DYNC1I1: variants seen among roughly 807,000 people sequenced by gnomAD.
DYNC1I1 encodes dynein cytoplasmic 1 intermediate chain 1.
A neutral mutation model predicts 86.6 loss-of-function variants in DYNC1I1; 43 were observed. That is an observed-to-expected ratio of 0.50 (90% CI 0.39 to 0.64). The LOEUF is 0.64. Among genes scored for constraint, DYNC1I1 ranks in the 30% least tolerant of loss-of-function variants. The probability of loss-of-function intolerance (pLI) is 0.00; values close to 1 mark genes in which losing one functional copy is unlikely to be tolerated. For missense variants in DYNC1I1, 604 were observed against 788.8 expected (o/e 0.77, Z 2.81); for synonymous variants, 262 against 283.7 (o/e 0.92, Z 0.77).
intron 6 of DYNC1I1, among the ~76,000 whole-genome samples, chr7:95,905,017 A>G (rs1353202450): frequency 2.6e-5 from 4 of 152,228 alleles, no homozygotes; most frequent in Non-Finnish European, 5.9e-5. Flanking sequence ...TTCAGCCTGC[A>G]TTTCCAGGTT....
intron 16 of DYNC1I1, among the ~76,000 whole-genome samples, chr7:96,083,940 G>A (rs1249129376): frequency 6.6e-6 from 1 of 152,146 alleles, no homozygotes; most frequent in African/African-American, 2.4e-5. Context: ...AAAAGTAGAT[G>A]GTAGGTTTTT....
At chr7:95,948,649 G>C (rs559468875) in intron 6 of DYNC1I1, among the ~76,000 whole-genome samples, 20 of 152,268 alleles carry the variant, frequency 1.3e-4, no homozygotes, top group African/African-American at 3.9e-4. Context: ...CATTTATTGA[G>C]TACTTAGTCT....
At chr7:95,982,816 G>A (rs1793489521) in intron 7 of DYNC1I1, among the ~76,000 whole-genome samples, 1 of 152,066 alleles carries the variant, frequency 6.6e-6, no homozygotes, top group South Asian at 2.1e-4. Context: ...GGACTTAGTA[G>A]GGTTTGTTCC....
chr7:95,962,976 C>T lies in DYNC1I1; in HGVS notation c.491-14536C>T, dbSNP rs114625949. Among the ~76,000 whole-genome samples, 1,015 of 152,256 alleles carry T rather than the reference C, an allele frequency of 6.7e-3. 14 individuals carry two copies. The highest frequency in any genetic ancestry group is 0.023 in the African/African-American group (940 of 41,566). On this transcript the variant is annotated intron_variant, in intron 6 of 16. Coordinates refer to ENST00000447467, the MANE Select transcript of DYNC1I1 (RefSeq NM_001135556.2). ...GATCAAATAGCAAATGTGAATGACTCTATTTAACTTGGTATTTATCTTGGC... is the reference window on the plus strand; with the variant it reads ...GATCAAATAGCAAATGTGAATGACTTTATTTAACTTGGTATTTATCTTGGC...
chr7:95,870,752 T>A (rs192151639), intron 6 of DYNC1I1, among the ~76,000 whole-genome samples: 1 of 152,176 alleles, frequency 6.6e-6, no homozygotes, highest in South Asian at 2.1e-4. Context: ...AATACACTCA[T>A]GAGAGAAGTC....
chr7:96,052,793 G>A (rs1338598440), intron 14 of DYNC1I1, among the ~76,000 whole-genome samples: 1 of 152,184 alleles, frequency 6.6e-6, no homozygotes, highest in Admixed American at 6.5e-5. Context: ...GCAGCCTTGT[G>A]ATGCCATGCG....
intron 10 of DYNC1I1, among the ~76,000 whole-genome samples, chr7:96,025,019 T>C (rs1423497657): frequency 6.6e-6 from 1 of 152,114 alleles, no homozygotes; most frequent in Non-Finnish European, 1.5e-5. Context: ...AAACTGTAGT[T>C]AAGACTATAA....
chr7:95,862,172 C>G (rs1016518080), intron 5 of DYNC1I1, among the ~76,000 whole-genome samples: 8 of 151,800 alleles, frequency 5.3e-5, no homozygotes, highest in Non-Finnish European at 8.8e-5. Context: ...ACCAAAAGCA[C>G]AAGCAACCAA....
At chr7:95,825,184 C>T (rs1463766310) in intron 4 of DYNC1I1, among the ~76,000 whole-genome samples, 1 of 152,092 alleles carries the variant, frequency 6.6e-6, no homozygotes, top group Non-Finnish European at 1.5e-5. Flanking sequence ...ATGCAAACTC[C>T]CCAGTACTAA....
At chr7:95,911,425 G>A (rs941283599) in intron 6 of DYNC1I1, among the ~76,000 whole-genome samples, 2 of 152,128 alleles carry the variant, frequency 1.3e-5, no homozygotes, top group African/African-American at 2.4e-5. Context: ...GTGGTGGTAT[G>A]TACTTCTCTG....
At chr7:95,785,796 TATATA>T (rs1336392017) in intron 1 of DYNC1I1, among the ~76,000 whole-genome samples, 1 of 120,528 alleles carries the variant, frequency 8.3e-6, no homozygotes, top group East Asian at 2.1e-4. Context: ...TATATATATA[TATATA>T]TATATATATA....
chr7:95,919,829 T>A (rs1309550749), intron 6 of DYNC1I1, among the ~76,000 whole-genome samples: 1 of 152,218 alleles, frequency 6.6e-6, no homozygotes, highest in Non-Finnish European at 1.5e-5. Flanking sequence ...TGGTCAAAGC[T>A]GGAACTACTT....
rs561854643 is a variant in DYNC1I1 at position 95,838,281 on chromosome 7, C to T, written c.374+10165C>T. Among the ~76,000 whole-genome samples the T allele has an allele frequency of 1.6e-4, 24 of 152,060 alleles. No homozygotes were observed. The South Asian group carries it at 2.9e-3, about 18-fold the overall frequency. On this transcript the variant is annotated intron_variant, in intron 5 of 16. Transcript: ENST00000447467. ...TATGGATATTTAGTATTCCCAACAC[C>T]GTGAATTGAAGAGACTATCATTTTT...
At chr7:96,068,736 T>C (rs944213858) in intron 14 of DYNC1I1, among the ~76,000 whole-genome samples, 2 of 152,218 alleles carry the variant, frequency 1.3e-5, no homozygotes, top group African/African-American at 2.4e-5. Flanking sequence ...CAAAGTGTAA[T>C]CCATAGATCT....
intron 6 of DYNC1I1, among the ~76,000 whole-genome samples, chr7:95,935,615 A>G (rs1368412455): frequency 1.3e-5 from 2 of 152,090 alleles, no homozygotes; most frequent in Non-Finnish European, 2.9e-5. Context: ...TGCTCCAATT[A>G]AAAAGCTTAT....
At chr7:95,949,495 C>T (rs1347057077) in intron 6 of DYNC1I1, among the ~76,000 whole-genome samples, 2 of 152,176 alleles carry the variant, frequency 1.3e-5, no homozygotes, top group Admixed American at 1.3e-4. Flanking sequence ...TTAACTTAAG[C>T]CTGGCTCACC....
intron 6 of DYNC1I1, among the ~76,000 whole-genome samples, chr7:95,938,881 G>A (rs1003547823): frequency 1.1e-4 from 17 of 151,964 alleles, no homozygotes; most frequent in Admixed American, 3.3e-4. Context: ...ACCATTTTTT[G>A]TGATGTTAGG....
chr7:95,924,193 C>T (rs1791682866), intron 6 of DYNC1I1, among the ~76,000 whole-genome samples: 1 of 152,146 alleles, frequency 6.6e-6, no homozygotes, highest in African/African-American at 2.4e-5. Flanking sequence ...GAGATACAAT[C>T]TTCTGTGTTT....
intron 6 of DYNC1I1, among the ~76,000 whole-genome samples, chr7:95,930,297 A>C (rs979640493): frequency 6.6e-6 from 1 of 152,208 alleles, no homozygotes; most frequent in African/African-American, 2.4e-5. Context: ...GGTGGCATTA[A>C]TTGTAATTAC....
Sources: allele counts gnomAD v4.1 joint callset (sites outside exome capture counted in the v4.1 genomes callset), GRCh38; gene constraint gnomAD v4.1.1; transcripts MANE v1.5; gene names NCBI Gene and HGNC (gene_info 2026-07-23, HGNC 2026-07-21).